KAZN: variants seen among roughly 807,000 people sequenced by gnomAD.
KAZN encodes the protein kazrin, periplakin interacting protein.
KAZN carries 40 observed loss-of-function variants against 87.4 expected under a neutral mutation model. The observed-to-expected ratio is 0.46, with a 90% CI of 0.36 to 0.60. KAZN has a LOEUF of 0.60. KAZN is among the 20% of genes least tolerant of loss of function. The pLI is 0.00. For synonymous variants in KAZN, 466 were observed against 458.3 expected (o/e 1.02, Z -0.22); for missense variants, 898 against 1,073.9 (o/e 0.84, Z 2.29).
chr1:14,507,630 T>C (rs1371259672), intron 2 of KAZN, among the ~76,000 whole-genome samples: 2 of 152,140 alleles, frequency 1.3e-5, no homozygotes, highest in African/African-American at 4.8e-5. Flanking sequence ...AGAATCAATA[T>C]GAAGGAGAGC....
intron 1 of KAZN, among the ~76,000 whole-genome samples, chr1:14,631,768 T>C (rs7536098): frequency 0.36 from 54,299 of 152,192 alleles, 11,307 homozygotes; most frequent in African/African-American, 0.58. Context: ...CCCAGGTAGC[T>C]GCTCCCCTCG....
At chr1:14,486,317 A>G (rs896167230) in intron 2 of KAZN, among the ~76,000 whole-genome samples, 6 of 152,220 alleles carry the variant, frequency 3.9e-5, no homozygotes, top group African/African-American at 1.4e-4. Flanking sequence ...ACCAACTCTC[A>G]GTTAAGACCA....
intron 2 of KAZN, among the ~76,000 whole-genome samples, chr1:14,250,906 A>T (rs111521974): frequency 1.3e-5 from 2 of 151,946 alleles, no homozygotes; most frequent in Admixed American, 6.5e-5. Context: ...AAGAAAAAAA[A>T]AATCGATGGT....
chr1:15,018,167 A>C (rs1670317082), intron 2 of KAZN, among the ~76,000 whole-genome samples: 1 of 152,020 alleles, frequency 6.6e-6, no homozygotes, highest in African/African-American at 2.4e-5. Flanking sequence ...TCACACATAT[A>C]ATTTTACTAT....
intron 1 of KAZN, among the ~76,000 whole-genome samples, chr1:13,945,708 T>TGAGAGAGA (rs1315403538): frequency 1.5e-3 from 198 of 134,606 alleles, no homozygotes; most frequent in African/African-American, 4.9e-3. Flanking sequence ...TGTGTGTGTG[T>TGAGAGAGA]GTGAGAGAGA....
At chr1:14,127,589 G>A (rs2101723312) in intron 1 of KAZN, among the ~76,000 whole-genome samples, 1 of 152,212 alleles carries the variant, frequency 6.6e-6, no homozygotes, top group South Asian at 2.1e-4. Flanking sequence ...AAGTGCTCCG[G>A]CGTCCTCCAA....
intron 2 of KAZN, among the ~76,000 whole-genome samples, chr1:14,429,786 G>T (rs962507802): frequency 2.0e-5 from 3 of 152,110 alleles, no homozygotes; most frequent in Non-Finnish European, 4.4e-5. Flanking sequence ...TCATCATCCC[G>T]ACGTCATCGT....
At chr1:14,468,697 C>A (rs1273517403) in intron 2 of KAZN, among the ~76,000 whole-genome samples, 1 of 152,196 alleles carries the variant, frequency 6.6e-6, no homozygotes, top group Non-Finnish European at 1.5e-5. Flanking sequence ...AGGCAAGGCA[C>A]AAAGTTAGAA....
intron 2 of KAZN, among the ~76,000 whole-genome samples, chr1:14,288,313 C>A (rs986863294): frequency 2.0e-5 from 3 of 152,048 alleles, no homozygotes; most frequent in Non-Finnish European, 4.4e-5. Flanking sequence ...TGGTCCTGGA[C>A]TTTTTTTGGT....
chr1:14,273,420 A>C (rs541095063), intron 2 of KAZN, among the ~76,000 whole-genome samples: 6 of 152,282 alleles, frequency 3.9e-5, no homozygotes, highest in South Asian at 2.1e-4. Flanking sequence ...TGATATATGT[A>C]TATGAACCTC....
chr1:14,349,125 A>C (rs1361234642), intron 2 of KAZN: 1 of 152,264 alleles, frequency 6.6e-6, no homozygotes, highest in African/African-American at 2.4e-5. Context: ...AGTAAAGACA[A>C]ATCCAACAGT....
At chr1:14,359,296 T>C (rs1344756662) in intron 2 of KAZN, among the ~76,000 whole-genome samples, 1 of 152,138 alleles carries the variant, frequency 6.6e-6, no homozygotes, top group Non-Finnish European at 1.5e-5. Flanking sequence ...TGGTAAATAT[T>C]CCTCCATCCC....
intron 2 of KAZN, among the ~76,000 whole-genome samples, chr1:14,319,438 A>C (rs1655896025): frequency 6.6e-6 from 1 of 152,088 alleles, no homozygotes; most frequent in South Asian, 2.1e-4. Context: ...CCCTACACAT[A>C]GATGTGTAGA....
intron 1 of KAZN, among the ~76,000 whole-genome samples, chr1:14,922,893 G>A (rs969176303): frequency 1.3e-5 from 2 of 152,182 alleles, no homozygotes; most frequent in Non-Finnish European, 2.9e-5. Flanking sequence ...GTGAGGATGC[G>A]GGGGCGGGGG....
upstream of KAZN, among the ~76,000 whole-genome samples, chr1:14,593,949 C>T (rs889605033): frequency 6.6e-6 from 1 of 152,124 alleles, no homozygotes; most frequent in South Asian, 2.1e-4. Context: ...TTCTGAAGAC[C>T]CTGGTTAAAT....
chr1:14,669,113 G>A (rs1469937888), intron 1 of KAZN, among the ~76,000 whole-genome samples: 1 of 151,634 alleles, frequency 6.6e-6, no homozygotes, highest in Non-Finnish European at 1.5e-5. Context: ...ACACAGAGTG[G>A]GACCTTTATT....
intron 1 of KAZN, among the ~76,000 whole-genome samples, chr1:14,145,027 G>A (rs1314926084): frequency 6.6e-6 from 1 of 152,176 alleles, no homozygotes; most frequent in Non-Finnish European, 1.5e-5. Flanking sequence ...TTCATGCAAT[G>A]TCTTTATTTC....
At chr1:13,933,274 C>T (rs1335958672) in intron 1 of KAZN, among the ~76,000 whole-genome samples, 1 of 152,020 alleles carries the variant, frequency 6.6e-6, no homozygotes, top group Non-Finnish European at 1.5e-5. Flanking sequence ...GGGTGTATCA[C>T]ATGAGGTCAG....
At position 15,061,120 on chromosome 1, in the gene KAZN, G is replaced by A. The variant is rs565267903; in HGVS notation, c.1047+818G>A. The A allele has an allele frequency of 8.5e-5, 13 of 152,308 alleles. No homozygotes were observed. In the South Asian group the frequency reaches 2.7e-3, roughly 32 times the overall value. 9.4% of individuals were successfully genotyped at this position (152,308 alleles called of 1,614,324 possible). A position where few individuals can be genotyped will look rare whatever the true frequency, so the allele number is the denominator to read the frequency against. On this transcript the variant is annotated intron_variant, in intron 6 of 14. Transcript: ENST00000376030. ...TGTCACTTTATTAACCAGCGAAATAGATAATAAAAAAGAAATGAGGTGAAC... is the reference window on the plus strand; with the variant it reads ...TGTCACTTTATTAACCAGCGAAATAAATAATAAAAAAGAAATGAGGTGAAC...
Sources: gnomAD v4.1 joint callset for allele counts (sites outside exome capture counted in the v4.1 genomes callset) on GRCh38, gnomAD v4.1.1 for gene constraint, MANE v1.5 for transcripts, NCBI Gene and HGNC (gene_info 2026-07-23, HGNC 2026-07-21) for gene names.